Variants in ALPL observed in about 807,000 individuals in gnomAD.
The protein encoded by ALPL is alkaline phosphatase, tissue-nonspecific isozyme.
ALPL carries 42 observed loss-of-function variants against 51.3 expected under a neutral mutation model. That is an observed-to-expected ratio of 0.82 (90% CI 0.64 to 1.06). The LOEUF (loss-of-function observed/expected upper bound fraction) is 1.06, where lower values mean the gene tolerates loss of function less well. Among genes scored for constraint, ALPL ranks in the 50% least tolerant of loss-of-function variants. The pLI is 0.00. For missense variants in ALPL, 589 were observed against 709.4 expected (o/e 0.83, Z 1.93); for synonymous variants, 279 against 296.4 (o/e 0.94, Z 0.60).
Position 21,545,546 on chromosome 1 carries a change from C to T in ALPL, c.-104-8432C>T, listed in dbSNP as rs961062089. Among the ~76,000 whole-genome samples, 10 of 152,242 alleles carry T rather than the reference C, an allele frequency of 6.6e-5. No homozygotes were observed. The East Asian group carries it at 1.5e-3, about 24-fold the overall frequency. ...CCTCAGGTGATCCACCCTCCTCAGC[C>T]TCCCAAAGTGCTGGGATTACAGGAG... On this transcript the variant is annotated intron_variant, in intron 1 of 11. Transcript: ENST00000374840.
intron 1 of ALPL, among the ~76,000 whole-genome samples, chr1:21,510,471 C>A (rs749803648): frequency 7.9e-5 from 12 of 152,170 alleles, no homozygotes; most frequent in Non-Finnish European, 1.6e-4. Context: ...CCCAGGGAGG[C>A]AGGGGTTGGG....
At chr1:21,551,780 C>T (rs182781510) in intron 1 of ALPL, among the ~76,000 whole-genome samples, 18 of 129,272 alleles carry the variant, frequency 1.4e-4, no homozygotes, top group African/African-American at 5.3e-4. Context: ...GGCTGGAGTG[C>T]AGTGGCGCGA....
intron 2 of ALPL, among the ~76,000 whole-genome samples, chr1:21,558,628 G>A (rs1780326): frequency 6.6e-6 from 1 of 152,190 alleles, no homozygotes; most frequent in South Asian, 2.1e-4. Flanking sequence ...TCCCAGTGGG[G>A]ACTGCGTGGG....
At chr1:21,512,576 G>A (rs1643710810) in intron 1 of ALPL, among the ~76,000 whole-genome samples, 1 of 152,166 alleles carries the variant, frequency 6.6e-6, no homozygotes, top group African/African-American at 2.4e-5. Flanking sequence ...GGGGGCTGGT[G>A]TCTTGGATTC....
At chr1:21,557,860 T>A (rs1279005408) in intron 2 of ALPL, among the ~76,000 whole-genome samples, 1 of 152,214 alleles carries the variant, frequency 6.6e-6, no homozygotes, top group Non-Finnish European at 1.5e-5. Flanking sequence ...AGAACATTTC[T>A]GGTTGTGAGG....
At chr1:21,533,518 T>C (rs1644057439) in intron 1 of ALPL, among the ~76,000 whole-genome samples, 1 of 152,166 alleles carries the variant, frequency 6.6e-6, no homozygotes, top group Non-Finnish European at 1.5e-5. Context: ...GTTTTATGGA[T>C]AAGGAACCTG....
rs376221105 is a variant in ALPL, at chr1:21,573,725, C to A, written c.923C>A (p.Ser308Ter). Residue 308 changes from serine (S) to a stop codon, truncating the protein, a stop_gained, in exon 9 of 12, where the codon TCA becomes TAA. Coordinates refer to ENST00000374840, the MANE Select transcript of ALPL (RefSeq NM_000478.6). LOFTEE classifies it high-confidence loss of function. ...ELNRNNVTDPSLSEMVVVAIQ... is the reference protein window; with the variant it reads ...ELNRNNVTDP Reference sequence around the variant, plus strand: ...AACAGGAACAACGTGACGGACCCGTCACTCTCCGAGATGGTGGTGGTGGCC... The same window carrying A: ...AACAGGAACAACGTGACGGACCCGTAACTCTCCGAGATGGTGGTGGTGGCC... 6.2e-7 allele frequency: 1 copy of A among 1,614,144 alleles called. No homozygotes were observed. The highest frequency in any genetic ancestry group is 1.1e-5 in the South Asian group (1 of 91,072).
Position 21,554,073 on chromosome 1 carries a change from G to A in ALPL, c.-9G>A, listed in dbSNP as rs1386811989. On this transcript the variant is annotated 5_prime_UTR_variant, in exon 2 of 12. Coordinates refer to ENST00000374840, the MANE Select transcript of ALPL (RefSeq NM_000478.6). ...GGCTCCAGGGATAAAGCAGGTCTTGGGGTGCACCATGATTTCACCATTCTT... is the reference window on the plus strand; with the variant it reads ...GGCTCCAGGGATAAAGCAGGTCTTGAGGTGCACCATGATTTCACCATTCTT... 1 of 1,613,092 alleles carries A rather than the reference G, an allele frequency of 6.2e-7. No homozygotes were observed. Among genetic ancestry groups the A allele is most frequent in the African/African-American group, 1.3e-5 (1 of 74,784 alleles).
At chr1:21,544,286 G>T (rs1450058492) in intron 1 of ALPL, among the ~76,000 whole-genome samples, 1 of 152,266 alleles carries the variant, frequency 6.6e-6, no homozygotes, top group African/African-American at 2.4e-5. Context: ...AAGTGGTGGA[G>T]CTTGGGCTTG....
intron 1 of ALPL, among the ~76,000 whole-genome samples, chr1:21,544,871 A>G (rs1445673148): frequency 6.6e-6 from 1 of 152,232 alleles, no homozygotes; most frequent in Non-Finnish European, 1.5e-5. Flanking sequence ...TAAAACTTTA[A>G]AAAGAACACA....
chr1:21,575,284 A>G (rs1184783290), intron 9 of ALPL, among the ~76,000 whole-genome samples: 2 of 136,400 alleles, frequency 1.5e-5, no homozygotes, highest in Non-Finnish European at 3.3e-5. Flanking sequence ...ATCTGTAAAC[A>G]GGACTGATCA....
chr1:21,562,517 G>A lies in ALPL; in HGVS notation c.298-593G>A, dbSNP rs11809304. On this transcript the variant is annotated intron_variant, in intron 4 of 11. Transcript: ENST00000374840. ...CTGGGGGAGTAGTGGGGACTATGGT[G>A]CCTTCTGTGCCTTCAAGGTGCTCTC... is the stretch of plus-strand genomic sequence containing the variant. 9.6e-3 allele frequency among the ~76,000 whole-genome samples: 1,465 copies of A among 152,222 alleles called. 21 individuals are homozygous for A. Among genetic ancestry groups the A allele is most frequent in the African/African-American group, 0.033 (1,363 of 41,530 alleles).
chr1:21,524,748 C>T (rs2148073371), intron 1 of ALPL, among the ~76,000 whole-genome samples: 1 of 152,304 alleles, frequency 6.6e-6, no homozygotes, highest in East Asian at 1.9e-4. Flanking sequence ...GAGCAAATAG[C>T]AGGAACAGAC....
At chr1:21,573,205 G>A (rs1036203509) in intron 8 of ALPL, among the ~76,000 whole-genome samples, 7 of 152,196 alleles carry the variant, frequency 4.6e-5, no homozygotes, top group Non-Finnish European at 7.3e-5. Flanking sequence ...AGGCCGAGGT[G>A]GGCGGATGAC....
chr1:21,543,941 G>A (rs1441196376), intron 1 of ALPL, among the ~76,000 whole-genome samples: 1 of 152,198 alleles, frequency 6.6e-6, no homozygotes, highest in Non-Finnish European at 1.5e-5. Context: ...AGCTGGGTGG[G>A]CTTGGATGGG....
chr1:21,528,014 T>C (rs1643972189), intron 1 of ALPL, among the ~76,000 whole-genome samples: 3 of 151,320 alleles, frequency 2.0e-5, no homozygotes, highest in East Asian at 1.9e-4. Context: ...TTTTTTTTTT[T>C]TGTTTTTTTG....
chr1:21,568,614 C>T (rs556222100), intron 7 of ALPL, among the ~76,000 whole-genome samples: 62 of 151,992 alleles, frequency 4.1e-4, no homozygotes, highest in Non-Finnish European at 6.8e-4. Flanking sequence ...GCATGGGGGA[C>T]GCCTGGCTCT....
rs540812870 is a variant in ALPL, at chr1:21,576,150, T to C, written c.1189+226T>C. ...GCAGGTGGGTGGATGGATGGCCACGTTGACCATGGCTGGGCGAGAACGTGG... is the reference window on the plus strand; with the variant it reads ...GCAGGTGGGTGGATGGATGGCCACGCTGACCATGGCTGGGCGAGAACGTGG... On this transcript the variant is annotated intron_variant, in intron 10 of 11. Transcript: ENST00000374840. 2.2e-3 allele frequency among the ~76,000 whole-genome samples: 333 copies of C among 152,014 alleles called. 2 individuals carry two copies. The highest frequency in any genetic ancestry group is 7.7e-3 in the African/African-American group (320 of 41,480).
rs145068713 is a variant in ALPL, at chr1:21,521,113, G to A, written c.-105+11596G>A. Among the ~76,000 whole-genome samples the A allele has an allele frequency of 5.1e-4, 77 of 152,290 alleles. 1 individual carries two copies. In the East Asian group the frequency reaches 0.013, roughly 26 times the overall value. Reference sequence around the variant, plus strand: ...ATCTGGCTCTGAGTTTCAGTTCCTGGAGGGTAGGAGCCCCATCTGAGTCAC... The same window carrying A: ...ATCTGGCTCTGAGTTTCAGTTCCTGAAGGGTAGGAGCCCCATCTGAGTCAC... On this transcript the variant is annotated intron_variant, in intron 1 of 11. Coordinates refer to ENST00000374840, the MANE Select transcript of ALPL (RefSeq NM_000478.6).
Sources: gnomAD v4.1 joint callset for allele counts (sites outside exome capture counted in the v4.1 genomes callset) on GRCh38, gnomAD v4.1.1 for gene constraint, MANE v1.5 for transcripts, NCBI Gene and HGNC (gene_info 2026-07-23, HGNC 2026-07-21) for gene names.